CAP1: variants seen among roughly 807,000 people sequenced by gnomAD.
CAP1 encodes the protein cyclase associated actin cytoskeleton regulatory protein 1.
CAP1 carries 11 observed loss-of-function variants against 58.2 expected under a neutral mutation model. That is an observed-to-expected ratio of 0.19 (90% CI 0.12 to 0.31). The LOEUF is 0.31. Ranked by LOEUF, CAP1 falls within the 10% of genes least tolerant of loss-of-function variation. The pLI is 1.00. For synonymous variants in CAP1, 183 were observed against 213.8 expected (o/e 0.86, Z 1.26); for missense variants, 423 against 587.5 (o/e 0.72, Z 2.89).
chr1:40,052,276 A>T (rs915264240), intron 1 of CAP1, among the ~76,000 whole-genome samples: 2 of 152,182 alleles, frequency 1.3e-5, no homozygotes, highest in Admixed American at 1.3e-4. Flanking sequence ...CTAGATGAGG[A>T]TTATAATCCA....
intron 4 of CAP1, among the ~76,000 whole-genome samples, chr1:40,063,187 T>C (rs929894344): frequency 1.3e-4 from 19 of 150,172 alleles, no homozygotes; most frequent in Admixed American, 1.3e-3. Flanking sequence ...TATTTATTTA[T>C]TTATTTCTGA....
rs1296134118 is a variant in CAP1, at chr1:40,067,546, G to A, written c.637G>A (p.Val213Met). 6.2e-7 allele frequency: 1 copy of A among 1,609,176 alleles called. No individual in the cohort carries two copies. The highest frequency in any genetic ancestry group is 1.3e-5 in the African/African-American group (1 of 74,686). ...TGLAWSKTGP[V>M]AKELSGLPSG... ...CCTGCACTTATTGTTCCAGGGGCCTGTGGCAAAAGAACTGAGCGGACTGCC... is the reference window on the plus strand; with the variant it reads ...CCTGCACTTATTGTTCCAGGGGCCTATGGCAAAAGAACTGAGCGGACTGCC... The change falls in exon 8 of 13, where the codon GTG becomes ATG. Residue 213 changes from valine (V) to methionine (M), a missense_variant. Transcript: ENST00000372805.
At chr1:40,071,065 T>G in intron 12 of CAP1, 86 bp downstream of exon 12, 1 of 1,293,276 alleles carries the variant, frequency 7.7e-7, no homozygotes, top group Non-Finnish European at 1.1e-6. Flanking sequence ...TTTATGAACA[T>G]TCTGCACTGA....
intron 1 of CAP1, among the ~76,000 whole-genome samples, chr1:40,056,729 C>T (rs1467346073): frequency 1.3e-5 from 2 of 151,946 alleles, no homozygotes; most frequent in Non-Finnish European, 2.9e-5. Flanking sequence ...CAAGGGTAGT[C>T]AGAGGCTTTA....
rs752382496 is a variant in CAP1, at chr1:40,064,516, G to T, written c.481G>T (p.Ala161Ser). Reference protein sequence around the residue: ...GPYVKEMNDAAMFYTNRVLKE... With the variant: ...GPYVKEMNDASMFYTNRVLKE... ...TTATGTGAAAGAAATGAATGATGCC[G>T]CCATGTTTTATACAAACCGAGTCCT... Residue 161 changes from alanine (A) to serine (S), a missense_variant, in exon 6 of 13, where the codon GCC becomes TCC. Ala to Ser is a moderately conservative substitution (Grantham distance 99). Coordinates refer to ENST00000372805, the MANE Select transcript of CAP1 (RefSeq NM_006367.4). The T allele has an allele frequency of 6.2e-7, 1 of 1,613,656 alleles. No homozygotes were observed. The highest frequency in any genetic ancestry group is 8.5e-7 in the Non-Finnish European group (1 of 1,179,888).
intron 7 of CAP1, 128 bp from the exon 8 acceptor site, chr1:40,067,412 A>T: frequency 2.7e-6 from 2 of 729,890 alleles, no homozygotes; most frequent in South Asian, 2.0e-5. Flanking sequence ...TATGGGTAGG[A>T]CACATTAATC....
chr1:40,058,916 G>A (rs114576992), intron 1 of CAP1, among the ~76,000 whole-genome samples: 3,932 of 152,156 alleles, frequency 0.026, 180 homozygotes, highest in African/African-American at 0.088. Flanking sequence ...TAGCTTCACT[G>A]AAACTAAGTT....
At chr1:40,045,910 AC>A (rs1646074792) in intron 1 of CAP1, among the ~76,000 whole-genome samples, 1 of 151,386 alleles carries the variant, frequency 6.6e-6, no homozygotes, top group African/African-American at 2.4e-5. Flanking sequence ...CTGGTCTTAA[AC>A]CCCTGGCCTC....
intron 1 of CAP1, chr1:40,041,013 T>TCTGCCCGATTTCGCAGCG (rs1645796899): frequency 6.6e-6 from 1 of 152,616 alleles, no homozygotes; most frequent in Non-Finnish European, 1.5e-5. Flanking sequence ...GGGAGGCCCC[T>TCTGCCCGATTTCGCAGCG]CTGCCCGATT....
intron 3 of CAP1, among the ~76,000 whole-genome samples, chr1:40,060,746 G>GAAT (rs1646815738): frequency 8.1e-6 from 1 of 123,812 alleles, no homozygotes; most frequent in Non-Finnish European, 1.6e-5. Flanking sequence ...CTAGCTCACC[G>GAAT]AATTATAAAC....
rs544083994 is a variant in CAP1, at chr1:40,045,237, CT to C, written c.-11+4437del. ...TGTCTCCTGGAGGACAAAATTGCCCCTGGTTGAGAATTGCTGCGTTAGAAAG... is the reference window on the plus strand; with the variant it reads ...TGTCTCCTGGAGGACAAAATTGCCCCGGTTGAGAATTGCTGCGTTAGAAAG... On this transcript the variant is annotated intron_variant, in intron 1 of 12. Transcript: ENST00000372805. 2.9e-3 allele frequency among the ~76,000 whole-genome samples: 445 copies of C among 152,246 alleles called. 3 individuals are homozygous for C. The highest frequency in any genetic ancestry group is 0.01 in the African/African-American group (430 of 41,554).
In CAP1 at chr1:40,059,413, C is replaced by T. The variant is rs2124341714; in HGVS notation, c.67C>T (p.His23Tyr). ...RAVGRLEAVS[H>Y]TSDMHRGYAD... ...AGTGGGCCGCCTGGAGGCAGTATCT[C>T]ATACCTCTGACATGCACCGTGGGTA... The change falls in exon 2 of 13, where the codon CAT becomes TAT. Residue 23 changes from histidine to tyrosine, a missense_variant. Physicochemically the swap from His to Tyr is moderately conservative, Grantham distance 83. Coordinates refer to ENST00000372805, the MANE Select transcript of CAP1 (RefSeq NM_006367.4). The T allele has an allele frequency of 6.2e-7, 1 of 1,613,698 alleles. No individual in the cohort carries two copies. Among genetic ancestry groups the T allele is most frequent in the Middle Eastern group, 1.7e-4 (1 of 6,060 alleles).
intron 7 of CAP1, chr1:40,067,173 C>T (rs1647124157): frequency 4.9e-6 from 1 of 203,834 alleles, no homozygotes; most frequent in South Asian, 1.2e-4. Context: ...GAAATAGGGA[C>T]AAGGGGATGA....
chr1:40,060,802 C>T (rs1406929011), intron 3 of CAP1, among the ~76,000 whole-genome samples: 4 of 151,908 alleles, frequency 2.6e-5, no homozygotes, highest in Admixed American at 6.6e-5. Context: ...TTCTCGAAGA[C>T]TGGTTGCTTG....
At chr1:40,066,706 G>T (rs1429042427) in intron 7 of CAP1, among the ~76,000 whole-genome samples, 1 of 152,134 alleles carries the variant, frequency 6.6e-6, no homozygotes, top group Admixed American at 6.6e-5. Context: ...AGAGAAGAGT[G>T]CTTCTCACTA....
chr1:40,064,722 C>T (rs894253046), intron 6 of CAP1, among the ~76,000 whole-genome samples, 163 bp downstream of exon 6: 1 of 152,072 alleles, frequency 6.6e-6, no homozygotes, highest in Non-Finnish European at 1.5e-5. Context: ...ACTTCAGGCA[C>T]GCTCCACCAT....
rs1474577516 is a variant in CAP1, at chr1:40,047,229, A to G, written c.-11+6428A>G. On this transcript the variant is annotated intron_variant, in intron 1 of 12. Coordinates refer to ENST00000372805, the MANE Select transcript of CAP1 (RefSeq NM_006367.4). ...TTATGTAATGCATGACTGTAGTTTCATAATTTTAAATTAATGCAGCTACAG... is the reference window on the plus strand; with the variant it reads ...TTATGTAATGCATGACTGTAGTTTCGTAATTTTAAATTAATGCAGCTACAG... Among the ~76,000 whole-genome samples, 4 of 151,218 alleles carry G rather than the reference A, an allele frequency of 2.6e-5. No homozygotes were observed. The East Asian group carries it at 7.8e-4, about 30-fold the overall frequency.
At chr1:40,049,948 C>T (rs1002348654) in intron 1 of CAP1, among the ~76,000 whole-genome samples, 3 of 152,140 alleles carry the variant, frequency 2.0e-5, no homozygotes, top group Non-Finnish European at 1.5e-5. Flanking sequence ...TTCATATGAC[C>T]TCCTAGGGCA....
rs779569215 is a variant in CAP1 at position 40,070,857 on chromosome 1, A to G, written c.1222A>G (p.Ile408Val). 1 of 1,612,906 alleles carries G rather than the reference A, an allele frequency of 6.2e-7. No homozygotes were observed. Among genetic ancestry groups the G allele is most frequent in the African/African-American group, 1.3e-5 (1 of 74,986 alleles). Reference protein sequence around the residue: ...KVQVMGKVPTISINKTDGCHA... With the variant: ...KVQVMGKVPTVSINKTDGCHA... ...GCAGGTAATGGGTAAAGTGCCAACC[A>G]TATCCATCAACAAAACAGATGGCTG... The change falls in exon 12 of 13, where the codon ATA (isoleucine) becomes GTA (valine). Residue 408 changes from isoleucine (I) to valine (V), a missense_variant. Coordinates refer to ENST00000372805, the MANE Select transcript of CAP1 (RefSeq NM_006367.4).
Sources: allele counts gnomAD v4.1 joint callset (sites outside exome capture counted in the v4.1 genomes callset), GRCh38; gene constraint gnomAD v4.1.1; transcripts MANE v1.5; gene names NCBI Gene and HGNC (gene_info 2026-07-23, HGNC 2026-07-21).